Variants in TLR2 observed in about 807,000 individuals in gnomAD.
TLR2 encodes the protein toll-like receptor 2.
A neutral mutation model predicts 9.1 loss-of-function variants in TLR2; 7 were observed. That is an observed-to-expected ratio of 0.77 (90% CI 0.44 to 1.44). TLR2 has a LOEUF of 1.44. Ranked by LOEUF, TLR2 falls within the 40% of genes most tolerant of loss-of-function variation. The pLI is 0.01. For missense variants in TLR2, 812 were observed against 904.6 expected, an observed-to-expected ratio of 0.90 and a Z score of 1.31; for synonymous variants, 317 against 344.6, an observed-to-expected ratio of 0.92 and a Z score of 0.89.
chr4:153,692,408 T>A (rs1736184692), intron 2 of TLR2, among the ~76,000 whole-genome samples: 1 of 152,206 alleles, frequency 6.6e-6, no homozygotes, highest in South Asian at 2.1e-4. Flanking sequence ...GTTCAGCAAC[T>A]AAGTCCTCTA....
At chr4:153,695,871 G>T (rs1196086294) in intron 2 of TLR2, among the ~76,000 whole-genome samples, 1 of 151,944 alleles carries the variant, frequency 6.6e-6, no homozygotes, top group East Asian at 1.9e-4. Flanking sequence ...AAGATATAGG[G>T]GTCTAGTTTC....
At chr4:153,710,299 A>T, downstream of TLR2, 1 of 1,283,166 alleles carries the variant, frequency 7.8e-7, no homozygotes. Context: ...TCTAAAATTA[A>T]AAAAATTAAT....
Position 153,703,517 on chromosome 4 carries a change from A to T in TLR2, c.610A>T (p.Ile204Phe). Residue 204 changes from isoleucine to phenylalanine, a missense_variant, in exon 3 of 3, where the codon ATC becomes TTC. Ile to Phe is a conservative substitution (Grantham distance 21). Transcript: ENST00000642700. ...GTCAATTCAGAATGTAAGTCATCTGATCCTTCATATGAAGCAGCATATTTT... is the reference window on the plus strand; with the variant it reads ...GTCAATTCAGAATGTAAGTCATCTGTTCCTTCATATGAAGCAGCATATTTT... ...LKSIQNVSHL[I>F]LHMKQHILLL... is the part of the protein sequence containing the mutation. 1.9e-6 allele frequency: 3 copies of T among 1,614,014 alleles called. No individual in the cohort carries two copies. The highest frequency in any genetic ancestry group is 2.5e-6 in the Non-Finnish European group (3 of 1,179,974).
downstream of TLR2, chr4:153,710,616 CAATT>C: frequency 1.2e-6 from 1 of 862,226 alleles, no homozygotes; most frequent in Non-Finnish European, 1.8e-6. Context: ...TCTATGTGCT[CAATT>C]AAAAGCCCCT....
rs1365745885 is a variant in TLR2 at position 153,703,377 on chromosome 4, G to GA, written c.473dup (p.Asn158LysfsTer7). On this transcript the variant is annotated frameshift_variant, in exon 3 of 3. Transcript: ENST00000642700. LOFTEE classifies it low-confidence loss of function (END_TRUNC). ...ACAAAATTGCAAATCCTGAGAGTGG[G>GA]AAATATGGACACCTTCACTAAGATT... is the stretch of plus-strand genomic sequence containing the variant. 1 of 1,614,088 alleles carries GA rather than the reference G, an allele frequency of 6.2e-7. No individual in the cohort carries two copies.
intron 2 of TLR2, among the ~76,000 whole-genome samples, chr4:153,700,463 G>A (rs1193718763): frequency 2.0e-5 from 3 of 152,148 alleles, no homozygotes; most frequent in African/African-American, 4.8e-5. Context: ...TCATGCTCAT[G>A]GATTGGAAGA....
intron 2 of TLR2, among the ~76,000 whole-genome samples, chr4:153,692,537 A>T (rs952999680): frequency 1.3e-5 from 2 of 152,206 alleles, no homozygotes; most frequent in East Asian, 1.9e-4. Context: ...CAAAAATGAT[A>T]TCCTAAACCT....
rs1737213712 is a variant in TLR2 at position 153,704,777 on chromosome 4, T to C, written c.1870T>C (p.Trp624Arg). The C allele has an allele frequency of 6.2e-7, 1 of 1,613,868 alleles. No individual in the cohort carries two copies. The highest frequency in any genetic ancestry group is 1.3e-5 in the African/African-American group (1 of 74,868). The change falls in exon 3 of 3, where the codon TGG (tryptophan) becomes CGG (arginine). Residue 624 changes from tryptophan to arginine, a missense_variant. Physicochemically the swap from Trp to Arg is moderately radical, Grantham distance 101. Coordinates refer to ENST00000642700, the MANE Select transcript of TLR2 (RefSeq NM_001318789.2). ...GTGGTATATGAAAATGATGTGGGCC[T>C]GGCTCCAGGCCAAAAGGAAGCCCAG... ...GLWYMKMMWA[W>R]LQAKRKPRKA...
downstream of TLR2, chr4:153,710,567 T>G (rs1050201217): frequency 6.7e-6 from 9 of 1,349,194 alleles, no homozygotes; most frequent in Non-Finnish European, 9.3e-6. Context: ...GCAAATATAA[T>G]AAACAATGTA....
rs948730816 is a variant in TLR2 at position 153,705,821 on chromosome 4, G to C, written c.*559G>C. ...TGGATGCAGAACCCATGGATATAGA[G>C]GGCCAACTGTAATCTGTAGCAACTG... is the stretch of plus-strand genomic sequence containing the variant. On this transcript the variant is annotated 3_prime_UTR_variant, in exon 3 of 3. Coordinates refer to ENST00000642700, the MANE Select transcript of TLR2 (RefSeq NM_001318789.2). 6.0e-6 allele frequency: 1 copy of C among 167,174 alleles called. No homozygotes were observed. The highest frequency in any genetic ancestry group is 2.4e-5 in the African/African-American group (1 of 41,554). 10.4% of individuals were successfully genotyped at this position (167,174 alleles called of 1,614,324 possible).
chr4:153,699,647 T>C (rs1736745741), intron 2 of TLR2, among the ~76,000 whole-genome samples: 1 of 152,178 alleles, frequency 6.6e-6, no homozygotes, highest in Non-Finnish European at 1.5e-5. Flanking sequence ...GGGGACACTG[T>C]GTATAATAGC....
intron 1 of TLR2, among the ~76,000 whole-genome samples, chr4:153,687,427 G>A (rs1311685834): frequency 1.3e-5 from 2 of 152,126 alleles, no homozygotes; most frequent in Non-Finnish European, 2.9e-5. Context: ...GACAATAAAA[G>A]CTGGTACAAA....
At position 153,704,359 on chromosome 4, in the gene TLR2, T is replaced by A; in HGVS notation, c.1452T>A (p.Ile484=). 1 of 1,613,848 alleles carries A rather than the reference T, an allele frequency of 6.2e-7. No individual in the cohort carries two copies. Among genetic ancestry groups the A allele is most frequent in the Non-Finnish European group, 8.5e-7 (1 of 1,179,982 alleles). The part of the protein sequence containing the change: ...LNLPQLKELY[I]SRNKLMTLPD... ...TGCCGCAACTCAAAGAACTTTATAT[T>A]TCCAGAAATAAGTTGATGACTCTAC... The change falls in exon 3 of 3, where the codon ATT becomes ATA. Residue 484 remains isoleucine (I), a synonymous_variant. Coordinates refer to ENST00000642700, the MANE Select transcript of TLR2 (RefSeq NM_001318789.2).
In TLR2 at chr4:153,694,137, A is replaced by G. The variant is rs182777230; in HGVS notation, c.-17+6090A>G. 1.3e-3 allele frequency among the ~76,000 whole-genome samples: 198 copies of G among 152,378 alleles called. 1 individual carries two copies. The highest frequency in any genetic ancestry group is 4.5e-3 in the African/African-American group (188 of 41,596). ...TAGATTAACTAAAAGTATTCCTTAC[A>G]GGAAACAAAGGGATGGGCCAAAACA... On this transcript the variant is annotated intron_variant, in intron 2 of 2. Coordinates refer to ENST00000642700, the MANE Select transcript of TLR2 (RefSeq NM_001318789.2).
At chr4:153,694,219 C>T (rs929104515) in intron 2 of TLR2, among the ~76,000 whole-genome samples, 6 of 152,226 alleles carry the variant, frequency 3.9e-5, no homozygotes, top group African/African-American at 9.6e-5. Context: ...AGGCACAGAT[C>T]GCTCATGCTA....
At chr4:153,706,938 G>T (rs1044690998), downstream of TLR2, among the ~76,000 whole-genome samples, 1 of 152,152 alleles carries the variant, frequency 6.6e-6, no homozygotes, top group African/African-American at 2.4e-5. Context: ...TCTCTGGAGG[G>T]GTGTTGAGGG....
chr4:153,690,389 C>A (rs564171048), intron 2 of TLR2, among the ~76,000 whole-genome samples: 32 of 152,320 alleles, frequency 2.1e-4, no homozygotes, highest in Middle Eastern at 6.8e-3. Flanking sequence ...GTTTAATATT[C>A]CATATAGAGA....
rs761252641 is a variant in TLR2, at chr4:153,703,744, G to A, written c.837G>A (p.Leu279=). ...AACTTTTGAATCAGATTTCTGGATT[G>A]TTAGAATTAGAGTTTGATGACTGTA... is the stretch of plus-strand genomic sequence containing the variant. The part of the protein sequence containing the change: ...VMKLLNQISG[L]LELEFDDCTL... The change falls in exon 3 of 3, where the codon TTG becomes TTA. Residue 279 remains leucine (L), a synonymous_variant. Transcript: ENST00000642700. 1.9e-6 allele frequency: 3 copies of A among 1,613,942 alleles called. No homozygotes were observed. The South Asian group carries it at 3.3e-5, about 18-fold the overall frequency.
At chr4:153,694,573 T>C (rs1426207335) in intron 2 of TLR2, among the ~76,000 whole-genome samples, 1 of 152,246 alleles carries the variant, frequency 6.6e-6, no homozygotes, top group African/African-American at 2.4e-5. Context: ...GATGTATATA[T>C]TTATGGGGCA....
Sources: allele counts gnomAD v4.1 joint callset (sites outside exome capture counted in the v4.1 genomes callset), GRCh38; gene constraint gnomAD v4.1.1; transcripts MANE v1.5; gene names NCBI Gene and HGNC (gene_info 2026-07-23, HGNC 2026-07-21).